DGKB: variants seen among roughly 807,000 people sequenced by gnomAD.
DGKB encodes 90 kDa diacylglycerol kinase.
In DGKB, 67 loss-of-function variants were observed where a neutral mutation model predicts 114.3. That is an observed-to-expected ratio of 0.59 (90% confidence interval 0.48 to 0.72). DGKB has a LOEUF of 0.72. Ranked by LOEUF, DGKB falls within the 30% of genes least tolerant of loss-of-function variation. DGKB has a pLI of 0.00. For synonymous variants in DGKB, 398 were observed against 323.1 expected (o/e 1.23, Z -2.49); for missense variants, 907 against 975.2 (o/e 0.93, Z 0.93).
chr7:14,655,605 T>C (rs1192907803), intron 13 of DGKB, among the ~76,000 whole-genome samples: 3 of 151,776 alleles, frequency 2.0e-5, no homozygotes, highest in African/African-American at 7.2e-5. Flanking sequence ...AACAGCACTA[T>C]TCACTATAGC....
chr7:14,777,750 T>C (rs901505460), intron 2 of DGKB, among the ~76,000 whole-genome samples: 1 of 152,196 alleles, frequency 6.6e-6, no homozygotes, highest in Non-Finnish European at 1.5e-5. Context: ...TACATACACA[T>C]TTAGAACATA....
rs575941008 is a variant in DGKB at position 14,487,843 on chromosome 7, C to A, written c.1771-9618G>T. 1.2e-4 allele frequency among the ~76,000 whole-genome samples: 18 copies of A among 151,814 alleles called. No individual in the cohort carries two copies. The South Asian group carries it at 2.5e-3, about 21-fold the overall frequency. On this transcript the variant is annotated intron_variant, in intron 20 of 25. Coordinates refer to ENST00000402815, the MANE Select transcript of DGKB (RefSeq NM_001350709.2). ...GTCCAGGCTACTCTCCAACTCCTGG[C>A]CTCAAGTGATTCTCCTACTTCAGCC...
In DGKB at chr7:14,718,539, T is replaced by A. The variant is rs1445328425; in HGVS notation, c.466+3A>T. On this transcript the variant is annotated splice_donor_region_variant and intron_variant, in intron 6 of 25. Transcript: ENST00000402815. ...TAAGTAAACAAAATGAAGAAACACA[T>A]ACACTCAAGCTTATCCTCAGGTCTT... is the stretch of plus-strand genomic sequence containing the variant. 6.2e-7 allele frequency: 1 copy of A among 1,606,026 alleles called. No homozygotes were observed. Among genetic ancestry groups the A allele is most frequent in the South Asian group, 1.1e-5 (1 of 89,208 alleles).
chr7:14,731,060 A>G (rs1830838544), intron 5 of DGKB, among the ~76,000 whole-genome samples: 1 of 152,148 alleles, frequency 6.6e-6, no homozygotes, highest in Admixed American at 6.5e-5. Flanking sequence ...AGCAGTTACA[A>G]TGAGTACTAG....
intron 6 of DGKB, among the ~76,000 whole-genome samples, chr7:14,710,413 A>G (rs1827165427): frequency 1.3e-5 from 2 of 152,134 alleles, no homozygotes; most frequent in South Asian, 4.1e-4. Context: ...TGATCTATCT[A>G]TAGATTACTG....
At chr7:14,432,298 CA>C (rs1828566332) in intron 21 of DGKB, among the ~76,000 whole-genome samples, 1 of 152,036 alleles carries the variant, frequency 6.6e-6, no homozygotes, top group Non-Finnish European at 1.5e-5. Flanking sequence ...GAGCAATTTG[CA>C]AAACAGGCAA....
chr7:14,300,041 A>G lies in DGKB; in HGVS notation c.2122+38474T>C, dbSNP rs1014219721. ...GTATAGCAACTACTTCCAGACATAC[A>G]CGGAAGAATATGTTATCATACTTTA... On this transcript the variant is annotated intron_variant, in intron 23 of 25. Transcript: ENST00000402815. Among the ~76,000 whole-genome samples, 6 of 152,136 alleles carry G rather than the reference A, an allele frequency of 3.9e-5. No homozygotes were observed. The East Asian group carries it at 1.2e-3, about 29-fold the overall frequency.
At chr7:14,341,689 C>T (rs561906704) in intron 22 of DGKB, among the ~76,000 whole-genome samples, 99 of 151,808 alleles carry the variant, frequency 6.5e-4, no homozygotes, top group African/African-American at 2.3e-3. Context: ...GAAAAGAAGA[C>T]GGTTTCAATT....
rs186156799 is a variant in DGKB, at chr7:14,592,320, G to C, written c.1434-9183C>G. 5.3e-5 allele frequency among the ~76,000 whole-genome samples: 8 copies of C among 151,892 alleles called. No individual in the cohort carries two copies. In the East Asian group the frequency reaches 1.5e-3, roughly 29 times the overall value. On this transcript the variant is annotated intron_variant, in intron 17 of 25. Transcript: ENST00000402815. The stretch of plus-strand genomic sequence containing the variant: ...TTCTCTTTTTCCTCGTTCTTGTTTA[G>C]AAAAAATAATTTCAAGAGCTTTCCT...
chr7:14,670,299 A>G (rs1401037673), intron 13 of DGKB, among the ~76,000 whole-genome samples: 1 of 151,252 alleles, frequency 6.6e-6, no homozygotes, highest in South Asian at 2.1e-4. Flanking sequence ...ATATATATAT[A>G]TACACACACA....
At chr7:14,763,531 A>C (rs1836013879) in intron 2 of DGKB, among the ~76,000 whole-genome samples, 1 of 152,120 alleles carries the variant, frequency 6.6e-6, no homozygotes, top group Admixed American at 6.6e-5. Flanking sequence ...TCACATAATG[A>C]TTCAAGCTAT....
intron 2 of DGKB, among the ~76,000 whole-genome samples, chr7:14,786,737 C>CA (rs1839952979): frequency 6.6e-6 from 1 of 151,900 alleles, no homozygotes; most frequent in East Asian, 1.9e-4. Flanking sequence ...GTGACACTGA[C>CA]ACATCAGCCC....
intron 23 of DGKB, among the ~76,000 whole-genome samples, chr7:14,179,011 C>T (rs1782235419): frequency 6.6e-6 from 1 of 152,092 alleles, no homozygotes; most frequent in Non-Finnish European, 1.5e-5. Context: ...TATTCACATA[C>T]CTAGAAAGTG....
Position 14,973,528 on chromosome 7 carries a change from T to G in DGKB, c.-188+1168A>C, listed in dbSNP as rs200962810. Among the ~76,000 whole-genome samples, 658 of 79,150 alleles carry G rather than the reference T, an allele frequency of 8.3e-3. 5 individuals carry two copies. Among genetic ancestry groups the G allele is most frequent in the African/African-American group, 0.028 (545 of 19,314 alleles). 51.9% of individuals were successfully genotyped at this position (79,150 alleles called of 152,430 possible). On this transcript the variant is annotated intron_variant, in intron 1 of 4. Transcript: ENST00000437998. ...GTTTTGTTTGTTTTTTGTTTTTTTG[T>G]TTTTTTTTTCTTTTTTTTTTCTTTT...
chr7:14,692,781 T>C (rs936941052), intron 9 of DGKB, among the ~76,000 whole-genome samples: 4 of 151,912 alleles, frequency 2.6e-5, no homozygotes, highest in African/African-American at 9.7e-5. Context: ...CCTCTGACCA[T>C]GTCTTGGATC....
intron 2 of DGKB, among the ~76,000 whole-genome samples, chr7:14,839,552 C>G (rs1847633922): frequency 6.6e-6 from 1 of 151,772 alleles, no homozygotes; most frequent in African/African-American, 2.4e-5. Flanking sequence ...CATGTGCATG[C>G]CAGCCTGCTG....
At chr7:14,434,242 G>A (rs926118407) in intron 21 of DGKB, among the ~76,000 whole-genome samples, 6 of 152,124 alleles carry the variant, frequency 3.9e-5, no homozygotes, top group African/African-American at 1.4e-4. Context: ...GTGTTAGGCA[G>A]AAAGTCCTTC....
chr7:14,165,518 T>C (rs1784493283), intron 25 of DGKB, among the ~76,000 whole-genome samples: 1 of 152,328 alleles, frequency 6.6e-6, no homozygotes, highest in East Asian at 1.9e-4. Context: ...ATATTTAGGC[T>C]TTAGTAGCTT....
intron 15 of DGKB, among the ~76,000 whole-genome samples, chr7:14,619,660 T>C (rs17603201): frequency 0.29 from 43,442 of 151,442 alleles, 7,052 homozygotes; most frequent in East Asian, 0.68. Flanking sequence ...ACAGGGTGTC[T>C]TGGGAGTGAA....
Sources: allele counts gnomAD v4.1 joint callset (sites outside exome capture counted in the v4.1 genomes callset), GRCh38; gene constraint gnomAD v4.1.1; transcripts MANE v1.5; gene names NCBI Gene and HGNC (gene_info 2026-07-23, HGNC 2026-07-21).